The following LMAN2L variants were observed in gnomAD, a reference collection of about 807,000 sequenced individuals.
The protein encoded by LMAN2L is VIP36-like protein.
LMAN2L carries 30 observed loss-of-function variants against 44.3 expected under a neutral mutation model. The ratio of observed to expected loss-of-function variants is 0.68; its 90% confidence interval spans 0.51 to 0.92. The LOEUF is 0.92. Among genes scored for constraint, LMAN2L ranks in the 40% least tolerant of loss-of-function variants. The pLI is 0.00. For missense variants in LMAN2L, 429 were observed against 446.1 expected (o/e 0.96, Z 0.35); for synonymous variants, 183 against 171.1 (o/e 1.07, Z -0.54).
chr2:96,732,791 CTTT>C (rs567344079), intron 4 of LMAN2L, among the ~76,000 whole-genome samples: 4 of 141,868 alleles, frequency 2.8e-5, no homozygotes, highest in Non-Finnish European at 4.6e-5. Context: ...TTCTTTCTTT[CTTT>C]TTTTTTTTTT....
At chr2:96,737,275 C>A (rs1429957623) in intron 2 of LMAN2L, 2 of 392,026 alleles carry the variant, frequency 5.1e-6, no homozygotes, top group African/African-American at 2.2e-5. Flanking sequence ...GTGGCTTTCA[C>A]ATGAAAATAA....
intron 4 of LMAN2L, among the ~76,000 whole-genome samples, chr2:96,727,656 G>T (rs1477896456): frequency 6.6e-6 from 1 of 152,160 alleles, no homozygotes; most frequent in African/African-American, 2.4e-5. Flanking sequence ...TTGAGCAACA[G>T]GGTCATGTGG....
chr2:96,720,832 G>A (rs551032992), intron 4 of LMAN2L, among the ~76,000 whole-genome samples: 3 of 152,110 alleles, frequency 2.0e-5, no homozygotes, highest in Middle Eastern at 3.4e-3. Flanking sequence ...CCAGCTACTC[G>A]GAATGCTGAG....
intron 4 of LMAN2L, among the ~76,000 whole-genome samples, chr2:96,725,182 T>C (rs1175733026): frequency 7.2e-5 from 11 of 151,922 alleles, no homozygotes; most frequent in African/African-American, 2.7e-4. Flanking sequence ...ATGGTCTTGA[T>C]CTCCTGACCT....
chr2:96,734,317 C>T (rs1056644245), intron 3 of LMAN2L, 92 bp downstream of exon 3: 2 of 804,874 alleles, frequency 2.5e-6, no homozygotes, highest in South Asian at 2.8e-5. Context: ...GGGAAAACAG[C>T]TGGCACTGTG....
At chr2:96,717,185 C>A (rs1179421744) in intron 4 of LMAN2L, among the ~76,000 whole-genome samples, 2 of 151,896 alleles carry the variant, frequency 1.3e-5, no homozygotes, top group Non-Finnish European at 2.9e-5. Context: ...AAAAGACACA[C>A]AAGCACAAAC....
At chr2:96,714,390 T>C (rs2077991246) in intron 4 of LMAN2L, among the ~76,000 whole-genome samples, 1 of 152,342 alleles carries the variant, frequency 6.6e-6, no homozygotes, top group Middle Eastern at 3.4e-3. Flanking sequence ...GAGGCTGCAG[T>C]GCAGATCCCC....
intron 4 of LMAN2L, among the ~76,000 whole-genome samples, chr2:96,725,599 T>G (rs373575751): frequency 1.4e-3 from 217 of 151,368 alleles, no homozygotes; most frequent in African/African-American, 5.2e-3. Flanking sequence ...CCCGCCACCA[T>G]GCCCGGCTGA....
chr2:96,707,211 A>T lies in LMAN2L; in HGVS notation c.*45T>A. 1.2e-6 allele frequency: 2 copies of T among 1,600,030 alleles called. No homozygotes were observed. The highest frequency in any genetic ancestry group is 2.7e-5 in the African/African-American group (2 of 74,658). On this transcript the variant is annotated 3_prime_UTR_variant, in exon 8 of 8. Transcript: ENST00000264963. ...GCTCAGGCCAGTGCCTGCTCCTTCC[A>T]TACCTCATGGGTGACAGTCACAAAA...
intron 4 of LMAN2L, 54 bp from the exon 5 acceptor site, chr2:96,712,079 T>C: frequency 1.3e-6 from 2 of 1,565,820 alleles, no homozygotes; most frequent in Non-Finnish European, 1.8e-6. Context: ...TAGGAACGCC[T>C]GTACAAACAG....
At chr2:96,711,442 A>G (rs1488983292) in intron 6 of LMAN2L, among the ~76,000 whole-genome samples, 1 of 152,244 alleles carries the variant, frequency 6.6e-6, no homozygotes, top group Admixed American at 6.5e-5. Context: ...GCTTTCTATT[A>G]GCACCAACCA....
At chr2:96,723,063 TAC>T (rs1203983073) in intron 4 of LMAN2L, among the ~76,000 whole-genome samples, 1 of 151,544 alleles carries the variant, frequency 6.6e-6, no homozygotes, top group African/African-American at 2.4e-5. Flanking sequence ...TTCTCTTAGG[TAC>T]ACACCTATGA....
chr2:96,721,066 ATT>A (rs1238191113), intron 4 of LMAN2L, among the ~76,000 whole-genome samples: 1 of 151,982 alleles, frequency 6.6e-6, no homozygotes, highest in African/African-American at 2.4e-5. Flanking sequence ...ACCACAACCA[ATT>A]TTAAAACATT....
chr2:96,731,944 T>C (rs991367394), intron 4 of LMAN2L, among the ~76,000 whole-genome samples: 1 of 151,622 alleles, frequency 6.6e-6, no homozygotes, highest in African/African-American at 2.4e-5. Context: ...ACCTCCCAGG[T>C]TCAAGTGACT....
Position 96,707,260 on chromosome 2 carries a change from T to C in LMAN2L, c.1043A>G (p.Tyr348Cys). Residue 348 changes from tyrosine to cysteine, a missense_variant, in exon 8 of 8, where the codon TAC (tyrosine) becomes TGC (cysteine). Transcript: ENST00000264963. Reference sequence around the variant, plus strand: ...AAGTGGTGGCAGCAGGAGGGCTCAGTAGAAGCGCTTTCGGCTCTGTTCCTG... The same window carrying C: ...AAGTGGTGGCAGCAGGAGGGCTCAGCAGAAGCGCTTTCGGCTCTGTTCCTG... Reference protein sequence around the residue: ...KWQEQSRKRFY With the variant: ...KWQEQSRKRFC 1.2e-6 allele frequency: 2 copies of C among 1,614,052 alleles called. No individual in the cohort carries two copies. Among genetic ancestry groups the C allele is most frequent in the Admixed American group, 3.3e-5 (2 of 60,004 alleles).
chr2:96,734,714 TAG>T (rs2153336404), intron 2 of LMAN2L, 188 bp from the exon 3 acceptor site: 1 of 577,130 alleles, frequency 1.7e-6, no homozygotes, highest in East Asian at 2.8e-5. Context: ...TTCAACTGTT[TAG>T]AGATTTAATA....
At chr2:96,714,205 G>C (rs1456665039) in intron 4 of LMAN2L, among the ~76,000 whole-genome samples, 1 of 152,238 alleles carries the variant, frequency 6.6e-6, no homozygotes, top group Admixed American at 6.5e-5. Flanking sequence ...TCTGAGCTGA[G>C]ACTCAAGTAA....
At position 96,737,988 on chromosome 2, in the gene LMAN2L, T is replaced by C. The variant is rs373148303; in HGVS notation, c.267A>G (p.Pro89=). 11 of 1,613,828 alleles carry C rather than the reference T, an allele frequency of 6.8e-6. No homozygotes were observed. The highest frequency in any genetic ancestry group is 2.7e-5 in the African/African-American group (2 of 74,902). Residue 89 remains proline (P), a synonymous_variant, in exon 2 of 8, where the codon CCA becomes CCG. Coordinates refer to ENST00000264963, the MANE Select transcript of LMAN2L (RefSeq NM_030805.4). ...AGGCACCCTGTTTACTTTGCATATCTGGGGTAAGGCGGATATACTGGGTCA... is the reference window on the plus strand; with the variant it reads ...AGGCACCCTGTTTACTTTGCATATCCGGGGTAAGGCGGATATACTGGGTCA... ...MVMTQYIRLT[P]DMQSKQGALW...
At position 96,739,901 on chromosome 2, in the gene LMAN2L, G is replaced by T; in HGVS notation, c.140C>A (p.Thr47Lys). The change falls in exon 1 of 8, where the codon ACG becomes AAG. Residue 47 changes from threonine to lysine, a missense_variant. Coordinates refer to ENST00000264963, the MANE Select transcript of LMAN2L (RefSeq NM_030805.4). ...QGPQQVGAGQ[T>K]FEYLKREHSL... Reference sequence around the variant, plus strand: ...GTGCTCCCGTTTCAAGTACTCGAACGTTTGACCCGCCCCGACTTGCTGTGG... The same window carrying T: ...GTGCTCCCGTTTCAAGTACTCGAACTTTTGACCCGCCCCGACTTGCTGTGG... The T allele has an allele frequency of 6.2e-7, 1 of 1,614,050 alleles. No homozygotes were observed. The highest frequency in any genetic ancestry group is 1.1e-5 in the South Asian group (1 of 91,078).
Sources: allele counts gnomAD v4.1 joint callset (sites outside exome capture counted in the v4.1 genomes callset), GRCh38; gene constraint gnomAD v4.1.1; transcripts MANE v1.5; gene names NCBI Gene and HGNC (gene_info 2026-07-23, HGNC 2026-07-21).